LRIG1: variants seen among roughly 807,000 people sequenced by gnomAD.
LRIG1 encodes leucine-rich repeats and immunoglobulin-like domains protein 1.
A neutral mutation model predicts 99.2 loss-of-function variants in LRIG1; 48 were observed. That is an observed-to-expected ratio of 0.48 (90% CI 0.38 to 0.62). The LOEUF is 0.62. Among genes scored for constraint, LRIG1 ranks in the 20% least tolerant of loss-of-function variants. The pLI, the probability that LRIG1 is intolerant of heterozygous loss-of-function variation, is 0.00. For synonymous variants in LRIG1, 772 were observed against 596.1 expected (o/e 1.29, Z -4.30); for missense variants, 1,646 against 1,434.4 (o/e 1.15, Z -2.38).
At chr3:66,499,504 C>A (rs1359734415) in intron 1 of LRIG1, among the ~76,000 whole-genome samples, 1 of 152,172 alleles carries the variant, frequency 6.6e-6, no homozygotes, top group African/African-American at 2.4e-5. Context: ...AAATGCCAAA[C>A]AGGCGTAAAA....
At chr3:66,381,950 C>T (rs192920722) in intron 16 of LRIG1, among the ~76,000 whole-genome samples, 113 of 150,604 alleles carry the variant, frequency 7.5e-4, no homozygotes, top group Admixed American at 1.9e-3. Flanking sequence ...GACCTGGGCA[C>T]GTTCCCCATG....
intron 3 of LRIG1, among the ~76,000 whole-genome samples, chr3:66,450,216 C>CA (rs1703857577): frequency 6.6e-6 from 1 of 152,188 alleles, no homozygotes. Flanking sequence ...TTCACAGAAA[C>CA]AGAGACTGAC....
chr3:66,421,321 T>C (rs4856814), intron 3 of LRIG1, among the ~76,000 whole-genome samples: 145,117 of 152,316 alleles, frequency 0.95, 69,357 homozygotes, highest in Non-Finnish European at 1. Context: ...TCTGAGACAA[T>C]GCAAGTCCCT....
intron 3 of LRIG1, among the ~76,000 whole-genome samples, chr3:66,431,268 G>A (rs1703163638): frequency 6.6e-6 from 1 of 152,244 alleles, no homozygotes; most frequent in South Asian, 2.1e-4. Context: ...CCAGGACACA[G>A]AATGAGAGAC....
At chr3:66,469,088 TG>T (rs1251881538) in intron 1 of LRIG1, 1 of 152,250 alleles carries the variant, frequency 6.6e-6, no homozygotes, top group African/African-American at 2.4e-5. Context: ...AATTGTATCT[TG>T]AACTGGAATC....
chr3:66,382,138 T>A lies in LRIG1; in HGVS notation c.2617+135A>T, dbSNP rs554995744. 31 of 986,200 alleles carry A rather than the reference T, an allele frequency of 3.1e-5. No individual in the cohort carries two copies. In the African/African-American group the frequency reaches 4.7e-4, roughly 15 times the overall value. The allele number at this position is 986,200 out of a possible 1,614,324, so 61.1% of individuals were successfully genotyped here. ...CTGGGTCCAAAATAGCAGCCCTTAG[T>A]CATACCGCCTTCTACTTCACCAAGT... On this transcript the variant is annotated intron_variant, in intron 16 of 18. Coordinates refer to ENST00000273261, the MANE Select transcript of LRIG1 (RefSeq NM_015541.3).
Position 66,430,084 on chromosome 3 carries a change from A to C in LRIG1, c.366-12818T>G, listed in dbSNP as rs532466621. Among the ~76,000 whole-genome samples the C allele has an allele frequency of 2.0e-5, 3 of 152,318 alleles. No homozygotes were observed. In the South Asian group the frequency reaches 6.2e-4, roughly 32 times the overall value. ...GGTACTCAATCAATATTTGTTGAATAAACAAACAAATTACAACTTTAGTTC... is the reference window on the plus strand; with the variant it reads ...GGTACTCAATCAATATTTGTTGAATCAACAAACAAATTACAACTTTAGTTC... On this transcript the variant is annotated intron_variant, in intron 3 of 18. Coordinates refer to ENST00000273261, the MANE Select transcript of LRIG1 (RefSeq NM_015541.3).
chr3:66,423,768 C>A (rs1419846845), intron 3 of LRIG1, among the ~76,000 whole-genome samples: 1 of 152,154 alleles, frequency 6.6e-6, no homozygotes, highest in Non-Finnish European at 1.5e-5. Flanking sequence ...AGGTTCAAAT[C>A]CCAGCTATCC....
chr3:66,475,953 C>A (rs1226083971), intron 1 of LRIG1, among the ~76,000 whole-genome samples: 1 of 152,208 alleles, frequency 6.6e-6, no homozygotes, highest in Non-Finnish European at 1.5e-5. Flanking sequence ...AACAGAGATT[C>A]TTTACAGCTT....
At chr3:66,419,402 G>A (rs928518195) in intron 3 of LRIG1, among the ~76,000 whole-genome samples, 15 of 152,192 alleles carry the variant, frequency 9.9e-5, no homozygotes, top group African/African-American at 3.6e-4. Context: ...TTCACCCGCT[G>A]GGAAAGTTCC....
At chr3:66,399,173 C>A in intron 9 of LRIG1, 132 bp from the exon 10 acceptor site, 1 of 734,300 alleles carries the variant, frequency 1.4e-6, no homozygotes, top group East Asian at 2.7e-5. Flanking sequence ...CAGTGAGGGG[C>A]AGGTGGAAAG....
At chr3:66,477,011 C>A (rs551590389) in intron 1 of LRIG1, among the ~76,000 whole-genome samples, 16 of 152,296 alleles carry the variant, frequency 1.1e-4, no homozygotes, top group East Asian at 3.9e-4. Flanking sequence ...GCTTTAAATA[C>A]GTCTGTTGAG....
chr3:66,398,201 T>C lies in LRIG1; in HGVS notation c.1233-18A>G, dbSNP rs372482415. On this transcript the variant is annotated intron_variant, in intron 10 of 18. Coordinates refer to ENST00000273261, the MANE Select transcript of LRIG1 (RefSeq NM_015541.3). ...CAAGGTTCCTGAAACAGAACATACA[T>C]TACTTATGCAAAGAAACCCTAGGTA... 2.5e-6 allele frequency: 4 copies of C among 1,606,632 alleles called. No homozygotes were observed. Among genetic ancestry groups the C allele is most frequent in the African/African-American group, 1.3e-5 (1 of 74,786 alleles).
chr3:66,411,230 G>A (rs1179499753), intron 6 of LRIG1, among the ~76,000 whole-genome samples: 2 of 152,146 alleles, frequency 1.3e-5, no homozygotes, highest in African/African-American at 4.8e-5. Context: ...TCCGTAACCC[G>A]AATTTTGCTC....
intron 3 of LRIG1, among the ~76,000 whole-genome samples, chr3:66,421,505 T>C (rs917608635): frequency 3.3e-5 from 5 of 152,178 alleles, no homozygotes; most frequent in African/African-American, 7.2e-5. Flanking sequence ...CACATCCAGA[T>C]CACGCTGATG....
chr3:66,409,741 G>T, intron 7 of LRIG1: 1 of 165,526 alleles, frequency 6.0e-6, no homozygotes, highest in South Asian at 1.9e-4. Context: ...CATGCTATTT[G>T]GTGTGGCCAT....
intron 7 of LRIG1, among the ~76,000 whole-genome samples, chr3:66,409,484 T>C (rs1702395561): frequency 6.6e-6 from 1 of 152,190 alleles, no homozygotes; most frequent in African/African-American, 2.4e-5. Flanking sequence ...CTGGGACCCC[T>C]GTCTGGAAAT....
rs911405318 is a variant in LRIG1 at position 66,380,323 on chromosome 3, T to G, written c.3222A>C (p.Pro1074=). ...GTTTCCCGGGGAGCTGTCCTGTCAG[T>G]GGCGTGGACTCGGGACTGGCGTCAC... is the stretch of plus-strand genomic sequence containing the variant. ...KACDASPEST[P]LTGQLPGKQR... Residue 1074 remains proline, a synonymous_variant, in exon 19 of 19, where the codon CCA becomes CCC. Coordinates refer to ENST00000273261, the MANE Select transcript of LRIG1 (RefSeq NM_015541.3). 5 of 1,614,092 alleles carry G rather than the reference T, an allele frequency of 3.1e-6. No homozygotes were observed. Among genetic ancestry groups the G allele is most frequent in the Middle Eastern group, 1.6e-4 (1 of 6,084 alleles).
intron 2 of LRIG1, among the ~76,000 whole-genome samples, chr3:66,454,662 G>A (rs766510387): frequency 6.6e-6 from 1 of 152,044 alleles, no homozygotes; most frequent in Non-Finnish European, 1.5e-5. Context: ...CATGAATCAC[G>A]GCCAGACCCT....
Sources: allele counts gnomAD v4.1 joint callset (sites outside exome capture counted in the v4.1 genomes callset), GRCh38; gene constraint gnomAD v4.1.1; transcripts MANE v1.5; gene names NCBI Gene and HGNC (gene_info 2026-07-23, HGNC 2026-07-21).